Variants in DEFB131A observed in about 807,000 individuals in gnomAD.
The protein encoded by DEFB131A is defensin beta 131A.
DEFB131A carries 5 observed loss-of-function variants against 2.4 expected under a neutral mutation model. The ratio of observed to expected loss-of-function variants is 2.12; its 90% CI spans 1.11 to 4.47. The LOEUF is 4.47. DEFB131A is among the 30% of genes most tolerant of loss of function. The probability of loss-of-function intolerance (pLI) is 0.00; values close to 1 mark genes in which losing one functional copy is unlikely to be tolerated. For synonymous variants in DEFB131A, 34 were observed against 25.7 expected, an observed-to-expected ratio of 1.32 and a Z score of -0.97; for missense variants, 120 against 79.9, an observed-to-expected ratio of 1.50 and a Z score of -1.91.
At chr4:9,446,282 T>C (rs1577079474) in intron 1 of DEFB131A, among the ~76,000 whole-genome samples, 1 of 152,100 alleles carries the variant, frequency 6.6e-6, no homozygotes, top group Non-Finnish European at 1.5e-5. Flanking sequence ...TTTAATATGA[T>C]TTATTATAAA....
At chr4:9,447,734 C>G (rs1300447181) in intron 1 of DEFB131A, among the ~76,000 whole-genome samples, 1 of 147,192 alleles carries the variant, frequency 6.8e-6, no homozygotes, top group African/African-American at 2.5e-5. Flanking sequence ...AAAAAAAAAA[C>G]TTATCTTCAA....
At position 9,450,367 on chromosome 4, in the gene DEFB131A, C is replaced by T. The variant is rs1247602386; in HGVS notation, c.66C>T (p.Ser22=). The T allele has an allele frequency of 4.5e-6, 7 of 1,561,842 alleles. No homozygotes were observed. Among genetic ancestry groups the T allele is most frequent in the Non-Finnish European group, 6.1e-6 (7 of 1,152,880 alleles). ...TGTCTTCTCTTTTTAAAGCCAGAAGCTTCATTTCTAATGATGAATGTCCTT... is the reference window on the plus strand; with the variant it reads ...TGTCTTCTCTTTTTAAAGCCAGAAGTTTCATTTCTAATGATGAATGTCCTT... ...SLMFTVPPAR[S]FISNDECPSE... is the part of the protein sequence containing the mutation. Residue 22 remains serine, a synonymous_variant, in exon 2 of 2, where the codon AGC becomes AGT. Transcript: ENST00000334879.
Position 9,450,628 on chromosome 4 carries a change from G to C in DEFB131A, c.*114G>C. On this transcript the variant is annotated 3_prime_UTR_variant, in exon 2 of 2. Coordinates refer to ENST00000334879, the MANE Select transcript of DEFB131A (RefSeq NM_001040448.3). The stretch of plus-strand genomic sequence containing the variant: ...ATTATTATAATTGCATGTTTAGATG[G>C]TCAGGTGAAAATGAATATAAATTTT... 1 of 1,393,792 alleles carries C rather than the reference G, an allele frequency of 7.2e-7. No individual in the cohort carries two copies. Among genetic ancestry groups the C allele is most frequent in the Non-Finnish European group, 9.7e-7 (1 of 1,027,974 alleles). The allele number at this position is 1,393,792 out of a possible 1,614,324, so 86.3% of individuals were successfully genotyped here. A position where few individuals can be genotyped will look rare whatever the true frequency, so the allele number is the denominator to read the frequency against.
intron 1 of DEFB131A, among the ~76,000 whole-genome samples, chr4:9,447,003 A>C (rs1717520640): frequency 6.6e-6 from 1 of 152,146 alleles, no homozygotes; most frequent in South Asian, 2.1e-4. Flanking sequence ...TTTGTGTCTT[A>C]ACATATGGTC....
In DEFB131A at chr4:9,450,531, T is replaced by C; in HGVS notation, c.*17T>C. 1 of 1,604,948 alleles carries C rather than the reference T, an allele frequency of 6.2e-7. No individual in the cohort carries two copies. Among genetic ancestry groups the C allele is most frequent in the South Asian group, 1.1e-5 (1 of 89,344 alleles). On this transcript the variant is annotated 3_prime_UTR_variant, in exon 2 of 2. Transcript: ENST00000334879. ...AAGTGGTGAAAATTCTAACTCCATCTTCTTCAGACTCCGGGACAAAAAACA... is the reference window on the plus strand; with the variant it reads ...AAGTGGTGAAAATTCTAACTCCATCCTCTTCAGACTCCGGGACAAAAAACA...
chr4:9,444,679 G>T (rs956591550), intron 1 of DEFB131A, 88 bp downstream of exon 1: 11 of 1,377,110 alleles, frequency 8.0e-6, no homozygotes, highest in African/African-American at 7.1e-5. Flanking sequence ...AATAAAATAG[G>T]CATGGGCAGA....
chr4:9,450,652 T>C lies in DEFB131A; in HGVS notation c.*138T>C. 4 of 1,267,714 alleles carry C rather than the reference T, an allele frequency of 3.2e-6. No homozygotes were observed. The highest frequency in any genetic ancestry group is 4.3e-6 in the Non-Finnish European group (4 of 921,024). 78.5% of individuals were successfully genotyped at this position (1,267,714 alleles called of 1,614,324 possible). On this transcript the variant is annotated 3_prime_UTR_variant, in exon 2 of 2. Coordinates refer to ENST00000334879, the MANE Select transcript of DEFB131A (RefSeq NM_001040448.3). ...GGTCAGGTGAAAATGAATATAAATTTTATAAATGCTTCCACTCTATTTTCA... is the reference window on the plus strand; with the variant it reads ...GGTCAGGTGAAAATGAATATAAATTCTATAAATGCTTCCACTCTATTTTCA...
chr4:9,444,683 G>A, intron 1 of DEFB131A, 92 bp downstream of exon 1: 4 of 1,341,514 alleles, frequency 3.0e-6, no homozygotes, highest in African/African-American at 1.4e-5. Flanking sequence ...AAATAGGCAT[G>A]GGCAGATTTT....
rs777237570 is a variant in DEFB131A at position 9,444,586 on chromosome 4, C to T, written c.53C>T (p.Pro18Leu). ...GTCCTTTCCTTGATGTTCACAGTTC[C>T]TCCAGGTAAGACAGAAACTTTTTTA... Reference protein sequence around the residue: ...FGVLSLMFTVPPARSFISNDE... With the variant: ...FGVLSLMFTVLPARSFISNDE... The change falls in exon 1 of 2, where the codon CCT (proline) becomes CTT (leucine). Residue 18 changes from proline (P) to leucine (L), a missense_variant. Coordinates refer to ENST00000334879, the MANE Select transcript of DEFB131A (RefSeq NM_001040448.3). The T allele has an allele frequency of 1.1e-4, 173 of 1,577,836 alleles. 1 individual carries two copies. The highest frequency in any genetic ancestry group is 1.4e-4 in the Non-Finnish European group (161 of 1,162,972).
chr4:9,450,298 A>T (rs1276137472), intron 1 of DEFB131A, 62 bp from the exon 2 acceptor site: 2 of 1,376,884 alleles, frequency 1.5e-6, no homozygotes, highest in Admixed American at 2.9e-5. Flanking sequence ...AAAACATTTC[A>T]GACATTTAAC....
At chr4:9,450,019 A>T (rs1476854052) in intron 1 of DEFB131A, among the ~76,000 whole-genome samples, 1 of 152,198 alleles carries the variant, frequency 6.6e-6, no homozygotes, top group Non-Finnish European at 1.5e-5. Flanking sequence ...TGACTTTCTC[A>T]AGAATTTAAC....
At chr4:9,448,280 A>G (rs1380840045) in intron 1 of DEFB131A, among the ~76,000 whole-genome samples, 1 of 152,020 alleles carries the variant, frequency 6.6e-6, no homozygotes, top group East Asian at 1.9e-4. Flanking sequence ...GCAAAAAGAG[A>G]GGAAAGTGAA....
chr4:9,450,343 G>A lies in DEFB131A; in HGVS notation c.59-17G>A. ...TAAGTAATATTGTGTCATATAATTT[G>A]TCTTCTCTTTTTAAAGCCAGAAGCT... On this transcript the variant is annotated splice_polypyrimidine_tract_variant and intron_variant, in intron 1 of 1. Transcript: ENST00000334879. The A allele has an allele frequency of 6.5e-7, 1 of 1,531,350 alleles. No homozygotes were observed. Among genetic ancestry groups the A allele is most frequent in the Non-Finnish European group, 8.8e-7 (1 of 1,136,774 alleles). 94.9% of individuals were successfully genotyped at this position (1,531,350 alleles called of 1,614,324 possible).
At chr4:9,448,478 C>A (rs1292736546) in intron 1 of DEFB131A, among the ~76,000 whole-genome samples, 1 of 152,038 alleles carries the variant, frequency 6.6e-6, no homozygotes, top group East Asian at 1.9e-4. Context: ...CCAGCCACCA[C>A]CATGCCTGGC....
At chr4:9,448,570 C>T (rs548878606) in intron 1 of DEFB131A, among the ~76,000 whole-genome samples, 7 of 152,266 alleles carry the variant, frequency 4.6e-5, no homozygotes, top group African/African-American at 7.2e-5. Context: ...GTGATCCGCC[C>T]GCCTTGGCCT....
chr4:9,444,874 C>A (rs1280075737), intron 1 of DEFB131A, among the ~76,000 whole-genome samples: 1 of 148,906 alleles, frequency 6.7e-6, no homozygotes, highest in African/African-American at 2.5e-5. Context: ...CTAGACCGAC[C>A]TGGTGGGGGC....
At chr4:9,446,558 A>G (rs1717509715) in intron 1 of DEFB131A, among the ~76,000 whole-genome samples, 1 of 151,962 alleles carries the variant, frequency 6.6e-6, no homozygotes, top group Non-Finnish European at 1.5e-5. Flanking sequence ...TGTTTCATTA[A>G]TTCTTTGCAT....
In DEFB131A at chr4:9,444,599, AG is replaced by A. The variant is rs67703456; in HGVS notation, c.58+9del. 0.75 allele frequency: 1,197,537 copies of A among 1,606,390 alleles called. 450,696 individuals carry two copies. The highest frequency in any genetic ancestry group is 0.78 in the Middle Eastern group (3,433 of 4,406). ...TGTTCACAGTTCCTCCAGGTAAGAC[AG>A]AAACTTTTTTATTCCAAAGTTCTAA... On this transcript the variant is annotated intron_variant, in intron 1 of 1. Coordinates refer to ENST00000334879, the MANE Select transcript of DEFB131A (RefSeq NM_001040448.3).
rs1164472499 is a variant in DEFB131A at position 9,444,428 on chromosome 4, G to T, written c.-106G>T. 41 of 1,289,100 alleles carry T rather than the reference G, an allele frequency of 3.2e-5. No individual in the cohort carries two copies. The South Asian group carries it at 4.5e-4, about 14-fold the overall frequency. The allele number at this position is 1,289,100 out of a possible 1,614,324, so 79.9% of individuals were successfully genotyped here. A position where few individuals can be genotyped will look rare whatever the true frequency, so the allele number is the denominator to read the frequency against. On this transcript the variant is annotated 5_prime_UTR_variant, in exon 1 of 2. Coordinates refer to ENST00000334879, the MANE Select transcript of DEFB131A (RefSeq NM_001040448.3). ...ACAGAAATGTTCTTGCTCCTGAAAG[G>T]TTCAATAATCACTCAACAACTCACC...
Sources: gnomAD v4.1 joint callset for allele counts (sites outside exome capture counted in the v4.1 genomes callset) on GRCh38, gnomAD v4.1.1 for gene constraint, MANE v1.5 for transcripts, NCBI Gene and HGNC (gene_info 2026-07-23, HGNC 2026-07-21) for gene names.